TNXB: variants seen among roughly 807,000 people sequenced by gnomAD.
The protein encoded by TNXB is tenascin XB.
Under a neutral mutation model 340.5 loss-of-function variants are expected in TNXB, and 183 were observed. The ratio of observed to expected loss-of-function variants is 0.54; its 90% CI spans 0.48 to 0.61. The LOEUF is 0.61. TNXB is among the 20% of genes least tolerant of loss of function. TNXB has a pLI of 0.00. For synonymous variants in TNXB, 2,121 were observed against 2,314.5 expected (o/e 0.92, Z 2.40); for missense variants, 4,613 against 5,446.4 (o/e 0.85, Z 4.82).
At position 32,079,015 on chromosome 6, in the gene TNXB, C is replaced by A. The variant is rs1367101998; in HGVS notation, c.4375+18G>T. The A allele has an allele frequency of 1.9e-6, 3 of 1,605,934 alleles. No homozygotes were observed. The highest frequency in any genetic ancestry group is 2.7e-5 in the African/African-American group (2 of 74,744). ...AGCAGTGGGAGGGAACCAAAGCAGG[C>A]CCCTGCCCCTCACTCACCTGTCACG... On this transcript the variant is annotated intron_variant, in intron 11 of 43. Transcript: ENST00000644971. The surrounding 1 kb of genome is among the most constrained non-coding windows in gnomAD (Gnocchi z 7.1).
intron 11 of TNXB, 85 bp downstream of exon 11, chr6:32,078,948 C>T (rs1319289414): frequency 1.4e-6 from 2 of 1,431,608 alleles, no homozygotes; most frequent in Non-Finnish European, 1.9e-6. Context: ...CAAGGTTCCA[C>T]TGGAGCAAGG....
rs200135262 is a variant in TNXB, at chr6:32,068,609, C to G, written c.6001G>C (p.Asp2001His). ...GELTVTDATP[D>H]SLSLSWTVPE... ...ACTGTCCAGGACAGGCTGAGGGAGT[C>G]AGGGGTGGCATCTGTCACGGTCAGC... The change falls in exon 17 of 44, where the codon GAC becomes CAC. Residue 2001 changes from aspartate (D) to histidine (H), a missense_variant. Asp to His is a moderately conservative substitution (Grantham distance 81, BLOSUM62 -1). Around this residue, in one of 7 missense-constraint regions of TNXB, gnomAD observed 4,327 missense variants for 4,859.4 expected, o/e 0.89. Coordinates refer to ENST00000644971, the MANE Select transcript of TNXB (RefSeq NM_001365276.2). The surrounding 1 kb of genome is among the most constrained non-coding windows in gnomAD (Gnocchi z 5.3). The G allele has an allele frequency of 3.1e-6, 5 of 1,613,766 alleles. No individual in the cohort carries two copies. The highest frequency in any genetic ancestry group is 1.3e-5 in the African/African-American group (1 of 74,910).
In TNXB at chr6:32,082,436, A is replaced by G. The variant is rs888335140; in HGVS notation, c.3446-110T>C. On this transcript the variant is annotated intron_variant, in intron 8 of 43. Transcript: ENST00000644971. The surrounding 1 kb of genome is among the most constrained non-coding windows in gnomAD (Gnocchi z 5.0). ...GGCTGTGCAGGTTGTTCACTGCACAAAAGTGCATTTGCTGAGGGAGTACAG... is the reference window on the plus strand; with the variant it reads ...GGCTGTGCAGGTTGTTCACTGCACAGAAGTGCATTTGCTGAGGGAGTACAG... 12 of 1,147,152 alleles carry G rather than the reference A, an allele frequency of 1.0e-5. No individual in the cohort carries two copies. The highest frequency in any genetic ancestry group is 1.5e-5 in the Non-Finnish European group (12 of 816,004). 71.1% of individuals were successfully genotyped at this position (1,147,152 alleles called of 1,614,324 possible).
Position 32,047,912 on chromosome 6 carries a change from G to T in TNXB, c.10146C>A (p.Phe3382Leu). 6.2e-7 allele frequency: 1 copy of T among 1,612,664 alleles called. No homozygotes were observed. The highest frequency in any genetic ancestry group is 8.5e-7 in the Non-Finnish European group (1 of 1,179,708). Reference protein sequence around the residue: ...GLSWTVPEGEFDSFVVQYKDK... With the variant: ...GLSWTVPEGELDSFVVQYKDK... ...CCTTGTACTGGACCACGAAGGAGTC[G>T]AATTCGCCCTCAGGGACCGTCCACG... The change falls in exon 30 of 44, where the codon TTC becomes TTA. Residue 3382 changes from phenylalanine to leucine, a missense_variant. By Grantham distance (22) the Phe-to-Leu change is conservative (BLOSUM62 0). Around this residue, in one of 7 missense-constraint regions of TNXB, gnomAD observed 4,327 missense variants for 4,859.4 expected, o/e 0.89. Transcript: ENST00000644971. This position sits in a 1 kb window ranked among gnomAD's most constrained non-coding sequence, Gnocchi z 6.2.
intron 43 of TNXB, 125 bp from the exon 44 acceptor site, chr6:32,041,575 G>A (rs1226463760): frequency 1.3e-5 from 14 of 1,057,462 alleles, no homozygotes; most frequent in Middle Eastern, 2.4e-4. Flanking sequence ...CTGACCCTCC[G>A]CTGCAGAGGA....
rs114279592 is a variant in TNXB, at chr6:32,078,852, T to C, written c.4375+181A>G. ...CAAGGAAACAGAGGTGCAGAAAGTT[T>C]AAAACTTGCTCAGGGCCATGAAAGC... On this transcript the variant is annotated intron_variant, in intron 11 of 43. Coordinates refer to ENST00000644971, the MANE Select transcript of TNXB (RefSeq NM_001365276.2). Among the ~76,000 whole-genome samples the C allele has an allele frequency of 1.7e-3, 258 of 152,312 alleles. 1 individual carries two copies. The highest frequency in any genetic ancestry group is 5.6e-3 in the South Asian group (27 of 4,824).
At position 32,043,791 on chromosome 6, in the gene TNXB, C is replaced by T. The variant is rs768313092; in HGVS notation, c.11488G>A (p.Gly3830Ser). Residue 3830 changes from glycine (G) to serine (S), a missense_variant, in exon 35 of 44, where the codon GGC becomes AGC. This residue lies in a region of TNXB where 114 missense variants were observed against 104.5 expected (regional missense o/e 1.09). Coordinates refer to ENST00000644971, the MANE Select transcript of TNXB (RefSeq NM_001365276.2). ...GTGAGAGGCTCACTCTCCTCAAAGC[C>T]TCGGACCGAGACCACGGTCACCTCA... ...RYEVTVVSVR[G>S]FEESEPLTGF... The T allele has an allele frequency of 3.7e-6, 6 of 1,613,552 alleles. No individual in the cohort carries two copies. Among genetic ancestry groups the T allele is most frequent in the Non-Finnish European group, 4.2e-6 (5 of 1,180,028 alleles).
rs1781066663 is a variant in TNXB at position 32,108,103 on chromosome 6, G to A, written c.-9+1078C>T. Among the ~76,000 whole-genome samples the A allele has an allele frequency of 6.6e-6, 1 of 152,170 alleles. No homozygotes were observed. The highest frequency in any genetic ancestry group is 6.5e-5 in the Admixed American group (1 of 15,284). On this transcript the variant is annotated intron_variant, in intron 1 of 43. Coordinates refer to ENST00000644971, the MANE Select transcript of TNXB (RefSeq NM_001365276.2). This position sits in a 1 kb window ranked among gnomAD's most constrained non-coding sequence, Gnocchi z 4.8. ...GTCCTGCACCTAGTGGCTAGGTCTGGAGTGAGCAAAGGAAGTTTGAGGAAT... is the reference window on the plus strand; with the variant it reads ...GTCCTGCACCTAGTGGCTAGGTCTGAAGTGAGCAAAGGAAGTTTGAGGAAT...
At position 32,081,503 on chromosome 6, in the gene TNXB, G is replaced by T; in HGVS notation, c.3907C>A (p.Gln1303Lys). 6.2e-7 allele frequency: 1 copy of T among 1,607,334 alleles called. No individual in the cohort carries two copies. The highest frequency in any genetic ancestry group is 8.5e-7 in the Non-Finnish European group (1 of 1,176,958). Residue 1303 changes from glutamine to lysine, a missense_variant, in exon 10 of 44, where the codon CAG becomes AAG. Around this residue, in one of 7 missense-constraint regions of TNXB, gnomAD observed 4,327 missense variants for 4,859.4 expected, o/e 0.89. Coordinates refer to ENST00000644971, the MANE Select transcript of TNXB (RefSeq NM_001365276.2). The surrounding 1 kb of genome is among the most constrained non-coding windows in gnomAD (Gnocchi z 5.1). Reference protein sequence around the residue: ...VQYKDAQGQPQAVPVAGDENE... With the variant: ...VQYKDAQGQPKAVPVAGDENE... ...TCATCCCCCGCAACAGGCACTGCCT[G>T]GGGCTGCCCCTGTGCATCCTTGTAC...
chr6:32,099,473 G>A (rs1411033676), intron 1 of TNXB, among the ~76,000 whole-genome samples: 1 of 151,948 alleles, frequency 6.6e-6, no homozygotes, highest in Non-Finnish European at 1.5e-5. Context: ...CACAAGTGAT[G>A]TGCCCGCCTT....
chr6:32,046,607 C>A lies in TNXB; in HGVS notation c.10325-151G>T. 1 of 623,036 alleles carries A rather than the reference C, an allele frequency of 1.6e-6. No homozygotes were observed. Among genetic ancestry groups the A allele is most frequent in the Non-Finnish European group, 2.6e-6 (1 of 386,804 alleles). 38.6% of individuals were successfully genotyped at this position (623,036 alleles called of 1,614,324 possible). A position where few individuals can be genotyped will look rare whatever the true frequency, so the allele number is the denominator to read the frequency against. On this transcript the variant is annotated intron_variant, in intron 30 of 43. Transcript: ENST00000644971. This position sits in a 1 kb window ranked among gnomAD's most constrained non-coding sequence, Gnocchi z 6.9. ...AGGAGACACACAGGCCTGCTCCCGC[C>A]ATGCCCCACAGGAATGAGGGAGAAC...
chr6:32,076,267 TC>T (rs1779075868), intron 11 of TNXB, among the ~76,000 whole-genome samples: 1 of 152,174 alleles, frequency 6.6e-6, no homozygotes, highest in Non-Finnish European at 1.5e-5. Context: ...ACTCTGGCAG[TC>T]CCCATGCTGC....
chr6:32,070,773 C>T lies in TNXB; in HGVS notation c.4991-359G>A, dbSNP rs1150755. 0.1 allele frequency among the ~76,000 whole-genome samples: 15,433 copies of T among 152,216 alleles called. 958 individuals are homozygous for T. The highest frequency in any genetic ancestry group is 0.15 in the Non-Finnish European group (10,008 of 67,994). ...CTTACCCAGGAGCACACGATTTGGC[C>T]GTGATTTGGCCGGCCCCTGAGGAAA... On this transcript the variant is annotated intron_variant, in intron 13 of 43. Coordinates refer to ENST00000644971, the MANE Select transcript of TNXB (RefSeq NM_001365276.2). This position sits in a 1 kb window ranked among gnomAD's most constrained non-coding sequence, Gnocchi z 6.0.
chr6:32,078,996 G>T, intron 11 of TNXB, 37 bp downstream of exon 11: 1 of 1,581,278 alleles, frequency 6.3e-7, no homozygotes, highest in East Asian at 2.3e-5. Context: ...AGCCAGCAGT[G>T]GGAGGGAACC....
At chr6:32,088,215 C>A (rs1227544816) in intron 6 of TNXB, among the ~76,000 whole-genome samples, 2 of 152,168 alleles carry the variant, frequency 1.3e-5, no homozygotes, top group African/African-American at 4.8e-5. Context: ...AAGAGAGAAG[C>A]CCGTGGGTGG....
In TNXB at chr6:32,067,801, C is replaced by T. The variant is rs758265554; in HGVS notation, c.6404G>A (p.Arg2135Gln). 17 of 1,613,262 alleles carry T rather than the reference C, an allele frequency of 1.1e-5. No individual in the cohort carries two copies. The highest frequency in any genetic ancestry group is 2.2e-5 in the South Asian group (2 of 91,072). Reference sequence around the variant, plus strand: ...GCCCCCAACACGCACCACCTGGGGCCGCCCGTCCCTGTCCTTGTACTGCAC... The same window carrying T: ...GCCCCCAACACGCACCACCTGGGGCTGCCCGTCCCTGTCCTTGTACTGCAC... ...FTVQYKDRDG[R>Q]PQVVRVGGEE... The change falls in exon 18 of 44, where the codon CGG (arginine) becomes CAG (glutamine). Residue 2135 changes from arginine (R) to glutamine (Q), a missense_variant. Physicochemically the swap from Arg to Gln is conservative, Grantham distance 43. This residue lies in a region of TNXB where 4,327 missense variants were observed against 4,859.4 expected (regional missense o/e 0.89). Transcript: ENST00000644971. This position sits in a 1 kb window ranked among gnomAD's most constrained non-coding sequence, Gnocchi z 4.2.
chr6:32,062,569 G>T lies in TNXB; in HGVS notation c.6842-86C>A. On this transcript the variant is annotated intron_variant, in intron 19 of 43. Coordinates refer to ENST00000644971, the MANE Select transcript of TNXB (RefSeq NM_001365276.2). This position sits in a 1 kb window ranked among gnomAD's most constrained non-coding sequence, Gnocchi z 4.3. ...CTGGGATTCTCTTAGACACACCAAG[G>T]GCCCACAGTCTGGATGCTGGTGCCC... 7.6e-7 allele frequency: 1 copy of T among 1,307,246 alleles called. No individual in the cohort carries two copies. The highest frequency in any genetic ancestry group is 1.0e-6 in the Non-Finnish European group (1 of 968,514). 81.0% of individuals were successfully genotyped at this position (1,307,246 alleles called of 1,614,324 possible).
Position 32,073,254 on chromosome 6 carries a change from C to T in TNXB, c.4681+393G>A, listed in dbSNP as rs558964872. Among the ~76,000 whole-genome samples, 2 of 152,106 alleles carry T rather than the reference C, an allele frequency of 1.3e-5. No individual in the cohort carries two copies. Among genetic ancestry groups the T allele is most frequent in the Admixed American group, 1.3e-4 (2 of 15,290 alleles). On this transcript the variant is annotated intron_variant, in intron 12 of 43. Coordinates refer to ENST00000644971, the MANE Select transcript of TNXB (RefSeq NM_001365276.2). The surrounding 1 kb of genome is among the most constrained non-coding windows in gnomAD (Gnocchi z 4.6). Reference sequence around the variant, plus strand: ...AAGGGACTCAGGATGTAAAGCACTTCGCCTCAACAAAAAAGGGCAGAAGCA... The same window carrying T: ...AAGGGACTCAGGATGTAAAGCACTTTGCCTCAACAAAAAAGGGCAGAAGCA...
Position 32,048,594 on chromosome 6 carries a change from C to T in TNXB, c.9814G>A (p.Ala3272Thr), listed in dbSNP as rs757144992. Residue 3272 changes from alanine (A) to threonine (T), a missense_variant, in exon 29 of 44, where the codon GCC becomes ACC. Physicochemically the swap from Ala to Thr is moderately conservative, Grantham distance 58. Coordinates refer to ENST00000644971, the MANE Select transcript of TNXB (RefSeq NM_001365276.2). The part of the protein sequence containing the change: ...EPRLGELAVA[A>T]VTSDSVGLSW... ...AGGCCCACTGAGTCCGAGGTCACGG[C>T]CGCCACCGCCAGCTCCCCCAGGCGG... 1.6e-5 allele frequency: 24 copies of T among 1,532,604 alleles called. No homozygotes were observed. The highest frequency in any genetic ancestry group is 5.8e-5 in the Admixed American group (3 of 52,050). The allele number at this position is 1,532,604 out of a possible 1,614,324, so 94.9% of individuals were successfully genotyped here.
Sources: gnomAD v4.1 joint callset for allele counts (sites outside exome capture counted in the v4.1 genomes callset) on GRCh38, gnomAD v4.1.1 for gene constraint, gnomAD v4.1.1 regional missense constraint, Gnocchi (gnomAD v3.1) non-coding constraint, MANE v1.5 for transcripts, NCBI Gene and HGNC (gene_info 2026-07-23, HGNC 2026-07-21) for gene names.